The following PKHD1 variants were observed in gnomAD, a reference collection of about 807,000 sequenced individuals.
PKHD1 encodes fibrocystin.
PKHD1 carries 291 observed loss-of-function variants against 412.0 expected under a neutral mutation model. The ratio of observed to expected loss-of-function variants is 0.71; its 90% CI spans 0.64 to 0.78. The LOEUF is 0.78. Ranked by LOEUF, PKHD1 falls within the 30% of genes least tolerant of loss-of-function variation. The pLI is 0.00. For synonymous variants in PKHD1, 1,777 were observed against 1,821.5 expected, an observed-to-expected ratio of 0.98 and a Z score of 0.62; for missense variants, 4,825 against 4,950.7, an observed-to-expected ratio of 0.97 and a Z score of 0.76.
intron 35 of PKHD1, among the ~76,000 whole-genome samples, chr6:51,995,811 C>G (rs1184838897): frequency 6.6e-6 from 1 of 152,156 alleles, no homozygotes; most frequent in African/African-American, 2.4e-5. Context: ...AAAGCAACCT[C>G]CCAAAGTCCA....
chr6:52,008,433 T>A lies in PKHD1; in HGVS notation c.5751+1876A>T, dbSNP rs144470035. Among the ~76,000 whole-genome samples the A allele has an allele frequency of 8.0e-3, 1,212 of 152,306 alleles. 15 individuals are homozygous for A. The highest frequency in any genetic ancestry group is 0.027 in the African/African-American group (1,124 of 41,556). ...GTGGGGTCTCTTTCCATATATTTTT[T>A]AAATCTCCTTCAGAACATGGTAGAG... On this transcript the variant is annotated intron_variant, in intron 35 of 66. Transcript: ENST00000371117.
intron 35 of PKHD1, among the ~76,000 whole-genome samples, chr6:51,960,301 T>C (rs1189308095): frequency 6.6e-6 from 1 of 152,162 alleles, no homozygotes; most frequent in Non-Finnish European, 1.5e-5. Context: ...GAAGTTCTTC[T>C]GTGCCCAGCC....
chr6:51,798,554 A>G (rs899407329), intron 52 of PKHD1, among the ~76,000 whole-genome samples: 1 of 151,872 alleles, frequency 6.6e-6, no homozygotes, highest in African/African-American at 2.4e-5. Context: ...TGCCTTTAAC[A>G]TTTTTGCCTC....
intron 33 of PKHD1, among the ~76,000 whole-genome samples, chr6:52,021,418 G>A (rs944129947): frequency 2.6e-5 from 4 of 152,160 alleles, no homozygotes; most frequent in Admixed American, 2.0e-4. Context: ...AATTTGAGCA[G>A]TGTATATATG....
At chr6:51,704,830 C>G (rs1779827176) in intron 60 of PKHD1, among the ~76,000 whole-genome samples, 1 of 151,856 alleles carries the variant, frequency 6.6e-6, no homozygotes, top group South Asian at 2.1e-4. Context: ...CATCACAGAC[C>G]TGATAGTTGA....
chr6:52,061,122 TA>T (rs1808605232), intron 14 of PKHD1, among the ~76,000 whole-genome samples: 1 of 152,218 alleles, frequency 6.6e-6, no homozygotes, highest in African/African-American at 2.4e-5. Flanking sequence ...AAATGGTCGT[TA>T]AAAACTATGA....
intron 60 of PKHD1, among the ~76,000 whole-genome samples, chr6:51,687,729 T>G (rs1357881435): frequency 6.6e-6 from 1 of 152,034 alleles, no homozygotes; most frequent in Non-Finnish European, 1.5e-5. Flanking sequence ...GTGTCTAATG[T>G]TCTTGTCATA....
chr6:52,078,818 T>C (rs1283378898), intron 5 of PKHD1, among the ~76,000 whole-genome samples: 1 of 152,232 alleles, frequency 6.6e-6, no homozygotes, highest in Non-Finnish European at 1.5e-5. Context: ...GAGGTGGTGG[T>C]GCAGCTCTTA....
At position 51,912,510 on chromosome 6, in the gene PKHD1, G is replaced by A; in HGVS notation, c.6188C>T (p.Ala2063Val). 6.2e-7 allele frequency: 1 copy of A among 1,613,294 alleles called. No individual in the cohort carries two copies. The change falls in exon 38 of 67, where the codon GCT becomes GTT. Residue 2063 changes from alanine to valine, a missense_variant. Coordinates refer to ENST00000371117, the MANE Select transcript of PKHD1 (RefSeq NM_138694.4). The part of the protein sequence containing the change: ...ATAHALDTVL[A>V]LEDAVDWNPG... ...GTTCCAGTCCACAGCATCTTCTAAA[G>A]CCAGCACTGTGTCTAGGGCATGGGC...
rs1450403850 is a variant in PKHD1, at chr6:51,739,203, C to T, written c.10156+5182G>A. ...ATACACATACACATATATATGTGTGCATGTGTATGTACATGTATTATATAT... is the reference window on the plus strand; with the variant it reads ...ATACACATACACATATATATGTGTGTATGTGTATGTACATGTATTATATAT... On this transcript the variant is annotated intron_variant, in intron 60 of 66. Coordinates refer to ENST00000371117, the MANE Select transcript of PKHD1 (RefSeq NM_138694.4). Among the ~76,000 whole-genome samples, 10 of 148,624 alleles carry T rather than the reference C, an allele frequency of 6.7e-5. 1 individual carries two copies. In the East Asian group the frequency reaches 2.0e-3, roughly 29 times the overall value.
At chr6:51,666,362 G>A (rs943903084) in intron 60 of PKHD1, among the ~76,000 whole-genome samples, 12 of 152,040 alleles carry the variant, frequency 7.9e-5, no homozygotes, top group African/African-American at 2.7e-4. Flanking sequence ...TATTGTAACT[G>A]TTGTATTGCT....
chr6:51,864,695 A>C (rs986145902), intron 48 of PKHD1, among the ~76,000 whole-genome samples: 2 of 152,172 alleles, frequency 1.3e-5, no homozygotes, highest in African/African-American at 4.8e-5. Context: ...CAAAATAAAC[A>C]AGTTAAATTA....
rs189355743 is a variant in PKHD1 at position 51,827,505 on chromosome 6, T to C, written c.8302+3356A>G. On this transcript the variant is annotated intron_variant, in intron 52 of 66. Transcript: ENST00000371117. ...CCAAATGTGAACCCCAGGTTTATCCTAGTCGACAGCTCATCCTATATCCTG... is the reference window on the plus strand; with the variant it reads ...CCAAATGTGAACCCCAGGTTTATCCCAGTCGACAGCTCATCCTATATCCTG... Among the ~76,000 whole-genome samples the C allele has an allele frequency of 9.8e-5, 15 of 152,294 alleles. No individual in the cohort carries two copies. In the East Asian group the frequency reaches 2.7e-3, roughly 27 times the overall value.
At chr6:52,026,540 A>G (rs9395758) in intron 31 of PKHD1, among the ~76,000 whole-genome samples, 62,545 of 151,912 alleles carry the variant, frequency 0.41, 14,990 homozygotes, top group Admixed American at 0.56. Context: ...TGGAAATATT[A>G]TCCTGTATGC....
intron 43 of PKHD1, among the ~76,000 whole-genome samples, chr6:51,899,452 G>A (rs1481741166): frequency 6.6e-6 from 1 of 152,076 alleles, no homozygotes; most frequent in African/African-American, 2.4e-5. Flanking sequence ...AAAGGCCTTT[G>A]ACAAAATTCA....
In PKHD1 at chr6:52,025,296, C is replaced by T. The variant is rs772824706; in HGVS notation, c.4514G>A (p.Arg1505Lys). ...AGCTGTGGTGGCTAACCTCTGACCCCTAATCAGCACAGTGGTCAGAGACCC... is the reference window on the plus strand; with the variant it reads ...AGCTGTGGTGGCTAACCTCTGACCCTTAATCAGCACAGTGGTCAGAGACCC... ...TSGSLTTVLI[R>K]GQRLATTADE... The change falls in exon 32 of 67, where the codon AGG becomes AAG. Residue 1505 changes from arginine to lysine, a missense_variant. Arg to Lys is a conservative substitution (Grantham distance 26). Transcript: ENST00000371117. 1.9e-6 allele frequency: 3 copies of T among 1,614,058 alleles called. No individual in the cohort carries two copies. Among genetic ancestry groups the T allele is most frequent in the Non-Finnish European group, 2.5e-6 (3 of 1,180,034 alleles).
At chr6:51,635,368 C>G (rs1768395112) in intron 64 of PKHD1, among the ~76,000 whole-genome samples, 2 of 152,262 alleles carry the variant, frequency 1.3e-5, no homozygotes, top group East Asian at 3.9e-4. Context: ...GGGTGGAGAC[C>G]ACTGGCTCTC....
intron 53 of PKHD1, among the ~76,000 whole-genome samples, chr6:51,789,025 C>T (rs1793327209): frequency 6.6e-6 from 1 of 152,138 alleles, no homozygotes; most frequent in Admixed American, 6.5e-5. Context: ...CTGTTAACTG[C>T]TATACTCATC....
At chr6:51,788,088 G>T (rs768204099) in intron 53 of PKHD1, among the ~76,000 whole-genome samples, 3 of 152,078 alleles carry the variant, frequency 2.0e-5, no homozygotes, top group Non-Finnish European at 4.4e-5. Flanking sequence ...TAGGTAAAAA[G>T]TATTGCCCTT....
Sources: gnomAD v4.1 joint callset for allele counts (sites outside exome capture counted in the v4.1 genomes callset) on GRCh38, gnomAD v4.1.1 for gene constraint, MANE v1.5 for transcripts, NCBI Gene and HGNC (gene_info 2026-07-23, HGNC 2026-07-21) for gene names.